LRRC4C: variants seen among roughly 807,000 people sequenced by gnomAD.
LRRC4C encodes the protein leucine rich repeat containing 4C.
A neutral mutation model predicts 33.6 loss-of-function variants in LRRC4C; 5 were observed. The ratio of observed to expected loss-of-function variants is 0.15; its 90% confidence interval spans 0.08 to 0.31. The LOEUF is 0.31. LRRC4C is among the 10% of genes least tolerant of loss of function. The pLI, the probability that LRRC4C is intolerant of heterozygous loss-of-function variation, is 1.00. For synonymous variants in LRRC4C, 329 were observed against 302.0 expected, an observed-to-expected ratio of 1.09 and a Z score of -0.93; for missense variants, 560 against 796.7, an observed-to-expected ratio of 0.70 and a Z score of 3.58.
intron 2 of LRRC4C, among the ~76,000 whole-genome samples, chr11:40,674,747 A>C (rs1944311997): frequency 6.6e-6 from 1 of 152,200 alleles, no homozygotes; most frequent in Non-Finnish European, 1.5e-5. Flanking sequence ...AGGATGAATA[A>C]AATCAAGCCT....
intron 1 of LRRC4C, among the ~76,000 whole-genome samples, chr11:40,955,793 C>G (rs573872109): frequency 6.6e-6 from 1 of 151,708 alleles, no homozygotes; most frequent in East Asian, 1.9e-4. Context: ...CTTAGAAACT[C>G]AGAAAGCTCT....
intron 1 of LRRC4C, among the ~76,000 whole-genome samples, chr11:40,984,408 A>AAAGAAAGAAAGG (rs1406819383): frequency 2.3e-5 from 2 of 87,458 alleles, no homozygotes; most frequent in African/African-American, 7.2e-5. Context: ...AGAAAGAAAG[A>AAAGAAAGAAAGG]AAGAAAGAGA....
intron 3 of LRRC4C, among the ~76,000 whole-genome samples, chr11:40,393,380 T>C (rs1949411356): frequency 6.6e-6 from 1 of 152,134 alleles, no homozygotes; most frequent in Non-Finnish European, 1.5e-5. Context: ...AAATAGACTT[T>C]CTTAAGAGAC....
chr11:40,488,125 A>T (rs1216211981), intron 3 of LRRC4C, among the ~76,000 whole-genome samples: 2 of 152,218 alleles, frequency 1.3e-5, no homozygotes, highest in South Asian at 2.1e-4. Context: ...ATGACCAGGG[A>T]GCTGCAAGAA....
chr11:40,476,210 C>T (rs1953212403), intron 3 of LRRC4C, among the ~76,000 whole-genome samples: 1 of 152,028 alleles, frequency 6.6e-6, no homozygotes, highest in African/African-American at 2.4e-5. Context: ...CACATACATG[C>T]CACATGCATC....
chr11:41,039,808 A>T (rs1857316501), intron 1 of LRRC4C, among the ~76,000 whole-genome samples: 1 of 151,966 alleles, frequency 6.6e-6, no homozygotes, highest in Non-Finnish European at 1.5e-5. Flanking sequence ...GGCCTCCATT[A>T]GTGATTTGAT....
At chr11:40,608,768 T>C (rs1057180881) in intron 3 of LRRC4C, among the ~76,000 whole-genome samples, 3 of 151,992 alleles carry the variant, frequency 2.0e-5, no homozygotes, top group African/African-American at 7.2e-5. Flanking sequence ...ACCAAAAAAA[T>C]CATGGGTAGC....
chr11:41,191,472 T>C (rs969949946), intron 1 of LRRC4C, among the ~76,000 whole-genome samples: 4 of 152,122 alleles, frequency 2.6e-5, no homozygotes, highest in African/African-American at 9.7e-5. Context: ...CTATGAATGG[T>C]AGTGAAAAGA....
intron 3 of LRRC4C, among the ~76,000 whole-genome samples, chr11:40,540,116 A>G (rs1956642632): frequency 6.6e-6 from 1 of 152,166 alleles, no homozygotes; most frequent in South Asian, 2.1e-4. Flanking sequence ...TTTGCAGTAG[A>G]TAGAATGGAA....
intron 1 of LRRC4C, among the ~76,000 whole-genome samples, chr11:40,944,945 T>C (rs1010377457): frequency 3.9e-5 from 6 of 152,152 alleles, no homozygotes; most frequent in Admixed American, 3.3e-4. Flanking sequence ...ACTATGCAAG[T>C]TGAGTCCTGC....
rs56018613 is a variant in LRRC4C at position 41,239,321 on chromosome 11, CAAAA to C, written c.-496+220106_-496+220109del. 4.8e-3 allele frequency among the ~76,000 whole-genome samples: 263 copies of C among 55,160 alleles called. 1 individual carries two copies. Among genetic ancestry groups the C allele is most frequent in the African/African-American group, 0.018 (232 of 13,070 alleles). 36.2% of individuals were successfully genotyped at this position (55,160 alleles called of 152,430 possible). ...TGGGTGACAGAGCAAGACTCTGTCT[CAAAA>C]AAAAAAAAAAAAAAAAAAAAATGTC... On this transcript the variant is annotated intron_variant, in intron 1 of 6. Transcript: ENST00000528697.
chr11:40,946,048 T>C (rs1051725343), intron 1 of LRRC4C, among the ~76,000 whole-genome samples: 3 of 152,204 alleles, frequency 2.0e-5, no homozygotes, highest in Admixed American at 6.5e-5. Flanking sequence ...ATAGTTAGCA[T>C]AGTACTCAAG....
chr11:40,904,937 A>G (rs1408496234), intron 2 of LRRC4C, among the ~76,000 whole-genome samples: 1 of 152,174 alleles, frequency 6.6e-6, no homozygotes, highest in Non-Finnish European at 1.5e-5. Context: ...ACCACGCTCA[A>G]GAGGAAAGCT....
intron 1 of LRRC4C, among the ~76,000 whole-genome samples, chr11:40,971,538 G>A (rs763561195): frequency 5.3e-5 from 8 of 152,200 alleles, no homozygotes; most frequent in Non-Finnish European, 1.0e-4. Context: ...TGCTTTGGGG[G>A]TGGAGTCCTC....
intron 3 of LRRC4C, among the ~76,000 whole-genome samples, chr11:40,551,673 T>C (rs1957132229): frequency 6.6e-6 from 1 of 152,208 alleles, no homozygotes; most frequent in African/African-American, 2.4e-5. Flanking sequence ...ATTTAATTAA[T>C]TAATTTACTA....
intron 3 of LRRC4C, among the ~76,000 whole-genome samples, chr11:40,343,483 G>T (rs1054104241): frequency 6.6e-5 from 10 of 151,730 alleles, no homozygotes; most frequent in African/African-American, 1.9e-4. Context: ...GTACCTGATG[G>T]GTATTTTATT....
At chr11:40,700,111 A>G (rs1945794781) in intron 2 of LRRC4C, among the ~76,000 whole-genome samples, 1 of 152,088 alleles carries the variant, frequency 6.6e-6, no homozygotes, top group African/African-American at 2.4e-5. Context: ...CTGGGAAATG[A>G]TTGAACGTCT....
In LRRC4C at chr11:40,296,657, G is replaced by T. The variant is rs1037129271; in HGVS notation, c.-176+22971C>A. On this transcript the variant is annotated intron_variant, in intron 4 of 6. Transcript: ENST00000528697. ...GTCACTGAATGACCTCACCCAAAAAGAATTGGAATAAGTAGTAAACAAGCT... is the reference window on the plus strand; with the variant it reads ...GTCACTGAATGACCTCACCCAAAAATAATTGGAATAAGTAGTAAACAAGCT... 2.6e-5 allele frequency among the ~76,000 whole-genome samples: 4 copies of T among 152,136 alleles called. 1 individual carries two copies. The highest frequency in any genetic ancestry group is 9.6e-5 in the African/African-American group (4 of 41,516).
At chr11:41,408,216 G>T (rs1215115845) in intron 1 of LRRC4C, among the ~76,000 whole-genome samples, 1 of 152,162 alleles carries the variant, frequency 6.6e-6, no homozygotes, top group African/African-American at 2.4e-5. Flanking sequence ...CATAGTATTT[G>T]TTATTACATG....
Sources: allele counts gnomAD v4.1 joint callset (sites outside exome capture counted in the v4.1 genomes callset), GRCh38; gene constraint gnomAD v4.1.1; transcripts MANE v1.5; gene names NCBI Gene and HGNC (gene_info 2026-07-23, HGNC 2026-07-21).